STXBP5L: variants seen among roughly 807,000 people sequenced by gnomAD.
STXBP5L encodes the protein syntaxin-binding protein 5-like.
Under a neutral mutation model 144.5 loss-of-function variants are expected in STXBP5L, and 65 were observed. The observed-to-expected ratio is 0.45, with a 90% CI of 0.37 to 0.55. The LOEUF (loss-of-function observed/expected upper bound fraction) is 0.55, where lower values mean the gene tolerates loss of function less well. Ranked by LOEUF, STXBP5L falls within the 20% of genes least tolerant of loss-of-function variation. The probability of loss-of-function intolerance (pLI) is 0.00; values close to 1 mark genes in which losing one functional copy is unlikely to be tolerated. For missense variants in STXBP5L, 1,298 were observed against 1,405.5 expected, an observed-to-expected ratio of 0.92 and a Z score of 1.22; for synonymous variants, 505 against 469.6, an observed-to-expected ratio of 1.08 and a Z score of -0.97.
chr3:121,313,311 C>A (rs1446670901), intron 19 of STXBP5L, among the ~76,000 whole-genome samples: 1 of 141,388 alleles, frequency 7.1e-6, no homozygotes, highest in Non-Finnish European at 1.6e-5. Flanking sequence ...GCGCCCCTCA[C>A]CTCCTGGACG....
intron 7 of STXBP5L, among the ~76,000 whole-genome samples, chr3:121,143,939 A>G (rs1310379709): frequency 6.6e-6 from 1 of 151,812 alleles, no homozygotes; most frequent in Non-Finnish European, 1.5e-5. Flanking sequence ...ATGGCTCTAT[A>G]AACTTAACAC....
At chr3:121,340,693 G>T (rs1184106792) in intron 20 of STXBP5L, among the ~76,000 whole-genome samples, 1 of 152,050 alleles carries the variant, frequency 6.6e-6, no homozygotes, top group African/African-American at 2.4e-5. Flanking sequence ...GTATTCCATG[G>T]TGTATATGAA....
intron 20 of STXBP5L, among the ~76,000 whole-genome samples, chr3:121,338,181 C>A (rs1293652362): frequency 6.6e-6 from 1 of 151,698 alleles, no homozygotes; most frequent in Non-Finnish European, 1.5e-5. Context: ...CCAAAGCTAC[C>A]AGAATAAAAG....
At chr3:121,302,798 T>C (rs1047587967) in intron 19 of STXBP5L, among the ~76,000 whole-genome samples, 1 of 152,174 alleles carries the variant, frequency 6.6e-6, no homozygotes, top group Non-Finnish European at 1.5e-5. Flanking sequence ...CCCTATTTAA[T>C]AAAGGGTGCT....
At chr3:120,963,895 C>G (rs776601717) in intron 3 of STXBP5L, among the ~76,000 whole-genome samples, 1 of 152,166 alleles carries the variant, frequency 6.6e-6, no homozygotes, top group Admixed American at 6.5e-5. Flanking sequence ...TTGAATCCGT[C>G]TGGTCCTGGA....
intron 10 of STXBP5L, among the ~76,000 whole-genome samples, chr3:121,222,257 T>A (rs781739178): frequency 2.6e-5 from 4 of 152,128 alleles, no homozygotes; most frequent in Non-Finnish European, 5.9e-5. Flanking sequence ...AATGACTTCA[T>A]AATTTTCAGA....
intron 3 of STXBP5L, among the ~76,000 whole-genome samples, chr3:120,992,191 T>G (rs770455559): frequency 2.0e-4 from 30 of 152,162 alleles, no homozygotes; most frequent in Non-Finnish European, 3.7e-4. Flanking sequence ...TTTCTCTGTA[T>G]TTATGGAGCA....
intron 20 of STXBP5L, among the ~76,000 whole-genome samples, chr3:121,333,252 T>C (rs1357556302): frequency 6.6e-6 from 1 of 152,100 alleles, no homozygotes; most frequent in East Asian, 1.9e-4. Context: ...ATGTTAAATG[T>C]AAGTGGTCTA....
intron 5 of STXBP5L, among the ~76,000 whole-genome samples, chr3:121,057,457 A>G (rs1948540240): frequency 6.6e-6 from 1 of 152,124 alleles, no homozygotes; most frequent in Non-Finnish European, 1.5e-5. Context: ...ACAGAAAATT[A>G]CTAGATTCAT....
At chr3:121,288,418 C>T (rs2051305671) in intron 19 of STXBP5L, among the ~76,000 whole-genome samples, 1 of 152,206 alleles carries the variant, frequency 6.6e-6, no homozygotes, top group African/African-American at 2.4e-5. Flanking sequence ...AATTGCCACA[C>T]TGATTTCCAC....
At position 121,329,573 on chromosome 3, in the gene STXBP5L, T is replaced by C. The variant is rs189172322; in HGVS notation, c.2176+11033T>C. Among the ~76,000 whole-genome samples the C allele has an allele frequency of 4.1e-4, 63 of 152,286 alleles. 1 individual carries two copies. The highest frequency in any genetic ancestry group is 1.4e-3 in the African/African-American group (58 of 41,570). ...TCAAACAGTTAGAATGTCAAGAATGTAGTAGGGGTGGGACGGGTGGCCCAT... is the reference window on the plus strand; with the variant it reads ...TCAAACAGTTAGAATGTCAAGAATGCAGTAGGGGTGGGACGGGTGGCCCAT... On this transcript the variant is annotated intron_variant, in intron 20 of 26. Coordinates refer to ENST00000471454, the MANE Select transcript of STXBP5L (RefSeq NM_001308330.2).
intron 3 of STXBP5L, among the ~76,000 whole-genome samples, chr3:120,991,968 A>C (rs1400524873): frequency 6.6e-6 from 1 of 152,216 alleles, no homozygotes; most frequent in African/African-American, 2.4e-5. Context: ...TAATAAAAAA[A>C]ATCCATATAG....
intron 5 of STXBP5L, among the ~76,000 whole-genome samples, chr3:121,105,500 A>G (rs146846217): frequency 5.4e-4 from 82 of 152,326 alleles, no homozygotes; most frequent in African/African-American, 1.9e-3. Flanking sequence ...TCAAAACCAC[A>G]ATGTGATGCC....
chr3:121,385,550 A>G (rs1298124001), intron 22 of STXBP5L, among the ~76,000 whole-genome samples: 1 of 152,074 alleles, frequency 6.6e-6, no homozygotes, highest in Non-Finnish European at 1.5e-5. Context: ...AAACCATATC[A>G]ACTTCCAAAC....
chr3:121,359,917 T>C (rs1266530104), intron 20 of STXBP5L, among the ~76,000 whole-genome samples: 1 of 149,026 alleles, frequency 6.7e-6, no homozygotes, highest in Non-Finnish European at 1.5e-5. Context: ...TCCAGTTTGG[T>C]TCTTTTTGCT....
intron 3 of STXBP5L, among the ~76,000 whole-genome samples, chr3:121,009,178 T>C (rs1944583760): frequency 6.6e-6 from 1 of 152,006 alleles, no homozygotes; most frequent in African/African-American, 2.4e-5. Flanking sequence ...TCTTCACCAA[T>C]TGGTCATCCT....
intron 10 of STXBP5L, among the ~76,000 whole-genome samples, chr3:121,212,361 T>G (rs776094254): frequency 6.6e-6 from 1 of 152,212 alleles, no homozygotes; most frequent in African/African-American, 2.4e-5. Flanking sequence ...TAAGTTTAAG[T>G]CTTTAATCCA....
chr3:121,292,423 C>G (rs745589424), intron 19 of STXBP5L, among the ~76,000 whole-genome samples: 12 of 151,998 alleles, frequency 7.9e-5, no homozygotes, highest in Admixed American at 3.9e-4. Flanking sequence ...AAAAGAGAAC[C>G]CTTTTACACT....
At chr3:121,352,518 T>G (rs1481614194) in intron 20 of STXBP5L, among the ~76,000 whole-genome samples, 1 of 152,142 alleles carries the variant, frequency 6.6e-6, no homozygotes, top group Non-Finnish European at 1.5e-5. Context: ...GATTGTGAGT[T>G]TTGTACATTG....
Sources: gnomAD v4.1 joint callset for allele counts (sites outside exome capture counted in the v4.1 genomes callset) on GRCh38, gnomAD v4.1.1 for gene constraint, MANE v1.5 for transcripts, NCBI Gene and HGNC (gene_info 2026-07-23, HGNC 2026-07-21) for gene names.